Variants in SEPTIN14 observed in about 807,000 individuals in gnomAD.
The protein encoded by SEPTIN14 is septin 14, also known as septin-14.
In SEPTIN14, 40 loss-of-function variants were observed where a neutral mutation model predicts 53.6. The ratio of observed to expected loss-of-function variants is 0.75; its 90% CI spans 0.58 to 0.97. SEPTIN14 has a LOEUF of 0.97. SEPTIN14 is among the 50% of genes least tolerant of loss of function. SEPTIN14 has a pLI of 0.00. For missense variants in SEPTIN14, 471 were observed against 508.2 expected (o/e 0.93, Z 0.70); for synonymous variants, 138 against 166.8 (o/e 0.83, Z 1.33).
chr7:55,807,903 T>C (rs1405701053), intron 7 of SEPTIN14, among the ~76,000 whole-genome samples: 1 of 151,824 alleles, frequency 6.6e-6, no homozygotes, highest in African/African-American at 2.4e-5. Context: ...AACTGTAAAA[T>C]GATATAAAGA....
At chr7:55,860,246 A>G (rs1789721008) in intron 2 of SEPTIN14, among the ~76,000 whole-genome samples, 1 of 152,148 alleles carries the variant, frequency 6.6e-6, no homozygotes, top group Non-Finnish European at 1.5e-5. Context: ...ATTAACATGG[A>G]TGGAACTAGA....
At chr7:55,828,233 T>TA (rs999691367) in intron 6 of SEPTIN14, among the ~76,000 whole-genome samples, 76 of 140,418 alleles carry the variant, frequency 5.4e-4, no homozygotes, top group Middle Eastern at 7.6e-3. Context: ...ACAGATATCT[T>TA]AAAAAAAAAA....
intron 2 of SEPTIN14, among the ~76,000 whole-genome samples, chr7:55,857,529 GAAA>G (rs1789659441): frequency 9.0e-6 from 1 of 110,666 alleles, no homozygotes. Flanking sequence ...GAAAGGAAAG[GAAA>G]GGAAAGGAAG....
chr7:55,844,642 A>T lies in SEPTIN14; in HGVS notation c.252T>A (p.His84Gln). 1 of 1,610,638 alleles carries T rather than the reference A, an allele frequency of 6.2e-7. No individual in the cohort carries two copies. The highest frequency in any genetic ancestry group is 8.5e-7 in the Non-Finnish European group (1 of 1,177,300). Residue 84 changes from histidine (H) to glutamine (Q), a missense_variant, in exon 4 of 10, where the codon CAT (histidine) becomes CAA (glutamine). Physicochemically the swap from His to Gln is conservative, Grantham distance 24 (BLOSUM62 0). Coordinates refer to ENST00000388975, the MANE Select transcript of SEPTIN14 (RefSeq NM_207366.3). ...NTNLKDNKSS[H>Q]FYSNVGLQIQ... ...TTTGAAGTCCAACATTTGAGTAAAA[A>T]TGTGAGGATTTGTTATCTTTCAAGT... is the stretch of plus-strand genomic sequence containing the variant.
intron 7 of SEPTIN14, chr7:55,810,891 T>C: frequency 2.9e-6 from 1 of 348,442 alleles, no homozygotes; most frequent in Non-Finnish European, 5.7e-6. Flanking sequence ...TATGGACACA[T>C]CCAATAAGCC....
At chr7:55,805,030 TA>T (rs1431121597) in intron 9 of SEPTIN14, among the ~76,000 whole-genome samples, 1 of 152,172 alleles carries the variant, frequency 6.6e-6, no homozygotes, top group Non-Finnish European at 1.5e-5. Context: ...ATAATTTTTA[TA>T]AAATTATCTT....
rs1198956647 is a variant in SEPTIN14, at chr7:55,794,953, A to G, written c.*960T>C. On this transcript the variant is annotated 3_prime_UTR_variant, in exon 10 of 10. Coordinates refer to ENST00000388975, the MANE Select transcript of SEPTIN14 (RefSeq NM_207366.3). ...GGTGTGAGCCACCACACCTGGCCTT[A>G]TTTTCTACAACTTTGATAACTTTGG... 6.6e-6 allele frequency: 1 copy of G among 151,916 alleles called. No individual in the cohort carries two copies. Among genetic ancestry groups the G allele is most frequent in the Non-Finnish European group, 1.5e-5 (1 of 68,010 alleles). 9.4% of individuals were successfully genotyped at this position (151,916 alleles called of 1,614,324 possible). A position where few individuals can be genotyped will look rare whatever the true frequency, so the allele number is the denominator to read the frequency against.
Position 55,795,165 on chromosome 7 carries a change from T to C in SEPTIN14, c.*748A>G, listed in dbSNP as rs1351041065. On this transcript the variant is annotated 3_prime_UTR_variant, in exon 10 of 10. Coordinates refer to ENST00000388975, the MANE Select transcript of SEPTIN14 (RefSeq NM_207366.3). The stretch of plus-strand genomic sequence containing the variant: ...CAGTAGTAGAACTTAAAAAGGAAAA[T>C]AGGCCTATTAATTAGATTTGTATAA... The C allele has an allele frequency of 1.3e-5, 2 of 151,938 alleles. No individual in the cohort carries two copies. Among genetic ancestry groups the C allele is most frequent in the African/African-American group, 2.4e-5 (1 of 41,332 alleles). 9.4% of individuals were successfully genotyped at this position (151,938 alleles called of 1,614,324 possible).
chr7:55,826,059 G>A (rs1788981097), intron 6 of SEPTIN14, among the ~76,000 whole-genome samples: 1 of 150,924 alleles, frequency 6.6e-6, no homozygotes, highest in African/African-American at 2.4e-5. Flanking sequence ...CCGAGATCGA[G>A]CCACTGCACT....
intron 4 of SEPTIN14, among the ~76,000 whole-genome samples, chr7:55,843,688 T>A (rs962736326): frequency 5.9e-5 from 9 of 151,960 alleles, no homozygotes; most frequent in African/African-American, 2.2e-4. Flanking sequence ...AAAAATTATC[T>A]GGGTGTGGTG....
At chr7:55,862,366 T>C (rs931989166) in intron 1 of SEPTIN14, among the ~76,000 whole-genome samples, 1 of 147,548 alleles carries the variant, frequency 6.8e-6, no homozygotes, top group Non-Finnish European at 1.5e-5. Flanking sequence ...AAAAAATGGT[T>C]AAAAAAAAAA....
At chr7:55,854,661 C>G (rs1341883976) in intron 2 of SEPTIN14, among the ~76,000 whole-genome samples, 1 of 152,154 alleles carries the variant, frequency 6.6e-6, no homozygotes, top group Non-Finnish European at 1.5e-5. Context: ...ATCTCCTGAC[C>G]TTGTGATCCG....
intron 9 of SEPTIN14, among the ~76,000 whole-genome samples, chr7:55,804,020 C>T (rs1263260874): frequency 6.7e-6 from 1 of 149,362 alleles, no homozygotes; most frequent in Non-Finnish European, 1.5e-5. Flanking sequence ...CCTGTAGACC[C>T]AGCTACTCGG....
At chr7:55,845,116 T>C (rs943841685) in intron 3 of SEPTIN14, among the ~76,000 whole-genome samples, 1 of 152,146 alleles carries the variant, frequency 6.6e-6, no homozygotes, top group Admixed American at 6.5e-5. Flanking sequence ...ATTCCCCTTT[T>C]TGTGTCCATG....
chr7:55,813,002 T>A (rs573291020), intron 7 of SEPTIN14, among the ~76,000 whole-genome samples: 8 of 151,012 alleles, frequency 5.3e-5, no homozygotes, highest in Non-Finnish European at 1.0e-4. Context: ...CAGGCTGGAG[T>A]GCAGTGGCGC....
chr7:55,852,343 T>C (rs912590648), intron 2 of SEPTIN14, among the ~76,000 whole-genome samples: 1 of 152,000 alleles, frequency 6.6e-6, no homozygotes, highest in Admixed American at 6.6e-5. Flanking sequence ...AACAGACATA[T>C]AGACCAATGG....
At chr7:55,855,952 A>AT (rs1352907557) in intron 2 of SEPTIN14, among the ~76,000 whole-genome samples, 1 of 152,060 alleles carries the variant, frequency 6.6e-6, no homozygotes, top group Non-Finnish European at 1.5e-5. Flanking sequence ...TATTAATTAT[A>AT]TTTTTTAATT....
intron 5 of SEPTIN14, among the ~76,000 whole-genome samples, chr7:55,842,663 A>T (rs1789332945): frequency 1.3e-5 from 2 of 151,990 alleles, no homozygotes; most frequent in Admixed American, 1.3e-4. Flanking sequence ...CTGTAATCCC[A>T]GCACTCTGGG....
chr7:55,837,021 T>C (rs941074333), intron 5 of SEPTIN14, among the ~76,000 whole-genome samples: 1 of 151,864 alleles, frequency 6.6e-6, no homozygotes, highest in Non-Finnish European at 1.5e-5. Flanking sequence ...TTGTTAGGGC[T>C]GAGTGCAGAA....
Sources: gnomAD v4.1 joint callset for allele counts (sites outside exome capture counted in the v4.1 genomes callset) on GRCh38, gnomAD v4.1.1 for gene constraint, MANE v1.5 for transcripts, NCBI Gene and HGNC (gene_info 2026-07-23, HGNC 2026-07-21) for gene names.